The following CDH18 variants were observed in gnomAD, a reference collection of about 807,000 sequenced individuals.
CDH18 encodes cadherin-18.
In CDH18, 31 loss-of-function variants were observed where a neutral mutation model predicts 67.9. The observed-to-expected ratio is 0.46, with a 90% confidence interval of 0.34 to 0.62. The LOEUF (loss-of-function observed/expected upper bound fraction) is 0.62, where lower values mean the gene tolerates loss of function less well. CDH18 is among the 20% of genes least tolerant of loss of function. CDH18 has a pLI of 0.01. For synonymous variants in CDH18, 362 were observed against 347.2 expected, an observed-to-expected ratio of 1.04 and a Z score of -0.48; for missense variants, 890 against 975.5, an observed-to-expected ratio of 0.91 and a Z score of 1.17.
intron 6 of CDH18, among the ~76,000 whole-genome samples, chr5:19,598,584 T>G (rs978027351): frequency 2.6e-5 from 4 of 152,026 alleles, no homozygotes; most frequent in African/African-American, 9.7e-5. Flanking sequence ...CAAACTATAT[T>G]GAAAACAAAA....
At chr5:19,548,261 AAAGAG>A (rs1453841841) in intron 8 of CDH18, among the ~76,000 whole-genome samples, 2 of 151,606 alleles carry the variant, frequency 1.3e-5, no homozygotes, top group Non-Finnish European at 2.9e-5. Context: ...ATAGGTCCTA[AAAGAG>A]GACTAATCAT....
At chr5:19,756,072 A>C (rs1442920712) in intron 3 of CDH18, among the ~76,000 whole-genome samples, 1 of 152,236 alleles carries the variant, frequency 6.6e-6, no homozygotes, top group East Asian at 1.9e-4. Flanking sequence ...GATCATGCAT[A>C]ATCTTCAAAT....
chr5:20,260,432 C>G (rs570187791), intron 1 of CDH18, among the ~76,000 whole-genome samples: 1 of 152,000 alleles, frequency 6.6e-6, no homozygotes, highest in South Asian at 2.1e-4. Context: ...CTTATATATG[C>G]TTGGATTTGA....
At chr5:20,130,344 A>C (rs2126470508) in intron 2 of CDH18, among the ~76,000 whole-genome samples, 1 of 151,018 alleles carries the variant, frequency 6.6e-6, no homozygotes, top group Non-Finnish European at 1.5e-5. Context: ...GATTTAAGGA[A>C]GAGTTGATGT....
chr5:20,020,949 T>C (rs542119667), intron 2 of CDH18, among the ~76,000 whole-genome samples: 1 of 151,890 alleles, frequency 6.6e-6, no homozygotes, highest in South Asian at 2.1e-4. Flanking sequence ...AGGCCAGCCC[T>C]TGAGAGTAGC....
chr5:20,286,048 G>T (rs1374659686), intron 1 of CDH18, among the ~76,000 whole-genome samples: 1 of 151,482 alleles, frequency 6.6e-6, no homozygotes, highest in Non-Finnish European at 1.5e-5. Context: ...CAACAAGTGT[G>T]AAAAATATTT....
intron 2 of CDH18, among the ~76,000 whole-genome samples, chr5:20,192,805 T>A (rs1738654025): frequency 6.6e-6 from 1 of 152,170 alleles, no homozygotes; most frequent in Admixed American, 6.6e-5. Context: ...GCTTTATTCC[T>A]TTTGCTTAGC....
chr5:20,281,860 C>T (rs142104616), intron 1 of CDH18, among the ~76,000 whole-genome samples: 3,578 of 152,164 alleles, frequency 0.024, 134 homozygotes, highest in African/African-American at 0.082. Context: ...GAATGTTCTT[C>T]CATTTGTTTG....
At chr5:20,082,346 T>C (rs1438632149) in intron 2 of CDH18, among the ~76,000 whole-genome samples, 3 of 152,218 alleles carry the variant, frequency 2.0e-5, no homozygotes, top group African/African-American at 4.8e-5. Context: ...ATTGTGATTT[T>C]TGCACTAAAA....
intron 2 of CDH18, among the ~76,000 whole-genome samples, chr5:20,070,333 AT>A (rs1743370567): frequency 1.3e-5 from 2 of 152,262 alleles, no homozygotes; most frequent in South Asian, 4.1e-4. Flanking sequence ...AATCGGTTAA[AT>A]TTTTATATTT....
At chr5:19,765,692 G>A (rs1299136592) in intron 3 of CDH18, among the ~76,000 whole-genome samples, 1 of 152,090 alleles carries the variant, frequency 6.6e-6, no homozygotes. Context: ...GTGGGTTGAG[G>A]CAAACTAAGG....
chr5:20,097,665 C>T (rs1746106660), intron 2 of CDH18, among the ~76,000 whole-genome samples: 1 of 151,886 alleles, frequency 6.6e-6, no homozygotes. Context: ...CTATTATTTC[C>T]GTGATTAAAT....
chr5:20,160,893 G>T (rs181930301), intron 2 of CDH18, among the ~76,000 whole-genome samples: 5 of 152,160 alleles, frequency 3.3e-5, no homozygotes, highest in Non-Finnish European at 5.9e-5. Flanking sequence ...AATGGTGTTC[G>T]TATTTTTAAA....
chr5:20,014,327 A>G (rs1273580274), intron 2 of CDH18, among the ~76,000 whole-genome samples: 1 of 152,118 alleles, frequency 6.6e-6, no homozygotes, highest in Non-Finnish European at 1.5e-5. Context: ...AATACTTGCA[A>G]TGTGATAAGT....
At chr5:20,288,346 A>C (rs191392232) in intron 1 of CDH18, among the ~76,000 whole-genome samples, 71 of 151,842 alleles carry the variant, frequency 4.7e-4, no homozygotes, top group African/African-American at 1.7e-3. Context: ...AAATTACTTA[A>C]TAAAATACTA....
chr5:19,865,909 T>C (rs942396631), intron 2 of CDH18, among the ~76,000 whole-genome samples: 2 of 152,188 alleles, frequency 1.3e-5, no homozygotes, highest in Admixed American at 6.5e-5. Context: ...TTTGATTCCT[T>C]AGCTGTATTG....
At chr5:19,558,733 G>A (rs1009064763) in intron 8 of CDH18, among the ~76,000 whole-genome samples, 7 of 151,868 alleles carry the variant, frequency 4.6e-5, no homozygotes, top group African/African-American at 1.7e-4. Context: ...GCAAAAATTG[G>A]TACCAATCCT....
intron 1 of CDH18, among the ~76,000 whole-genome samples, chr5:20,378,251 A>G (rs1384782076): frequency 6.6e-6 from 1 of 152,094 alleles, no homozygotes; most frequent in East Asian, 1.9e-4. Flanking sequence ...GGCTCCCTGA[A>G]AGCTCCGCCT....
chr5:19,661,938 TA>T (rs1267554708), intron 5 of CDH18, among the ~76,000 whole-genome samples: 5 of 152,034 alleles, frequency 3.3e-5, no homozygotes, highest in African/African-American at 7.2e-5. Flanking sequence ...GAAGATACAA[TA>T]AGTCAGCCTT....
Sources: allele counts gnomAD v4.1 joint callset (sites outside exome capture counted in the v4.1 genomes callset), GRCh38; gene constraint gnomAD v4.1.1; transcripts MANE v1.5; gene names NCBI Gene and HGNC (gene_info 2026-07-23, HGNC 2026-07-21).